TTYH3: variants seen among roughly 807,000 people sequenced by gnomAD.
TTYH3 encodes the protein protein tweety homolog 3.
A neutral mutation model predicts 68.2 loss-of-function variants in TTYH3; 23 were observed. The observed-to-expected ratio is 0.34, with a 90% CI of 0.24 to 0.48. TTYH3 has a LOEUF of 0.48. TTYH3 is among the 20% of genes least tolerant of loss of function. The pLI is 0.99. For missense variants in TTYH3, 768 were observed against 727.7 expected (o/e 1.06, Z -0.64); for synonymous variants, 360 against 332.8 (o/e 1.08, Z -0.89).
At chr7:2,635,346 T>C (rs1210322755) in intron 1 of TTYH3, among the ~76,000 whole-genome samples, 3 of 152,224 alleles carry the variant, frequency 2.0e-5, no homozygotes, top group Non-Finnish European at 4.4e-5. Flanking sequence ...TCTTCCTGCG[T>C]GACCTTGGGT....
At chr7:2,653,058 C>G (rs1227689119) in intron 9 of TTYH3, 48 bp downstream of exon 9, 6 of 1,509,926 alleles carry the variant, frequency 4.0e-6, no homozygotes, top group African/African-American at 1.4e-5. Flanking sequence ...CTCCTCTTTT[C>G]TCAGCATGAA....
rs1364649316 is a variant in TTYH3, at chr7:2,647,537, G to A, written c.525G>A (p.Leu175=). Reference sequence around the variant, plus strand: ...CCGTACAGAGGCTGCAGGGCCTGCTGGAGACGCTGCTGGGCTACACGGCCG... The same window carrying A: ...CCGTACAGAGGCTGCAGGGCCTGCTAGAGACGCTGCTGGGCTACACGGCCG... ...LRAVQRLQGL[L]ETLLGYTAAI... Residue 175 remains leucine, a synonymous_variant, in exon 4 of 14, where the codon CTG becomes CTA. Transcript: ENST00000258796. 6.4e-7 allele frequency: 1 copy of A among 1,553,052 alleles called. No individual in the cohort carries two copies.
chr7:2,656,681 C>G, intron 11 of TTYH3, 147 bp downstream of exon 11: 1 of 967,002 alleles, frequency 1.0e-6, no homozygotes, highest in Non-Finnish European at 1.4e-6. Flanking sequence ...CCCTAGGCCT[C>G]TCTAGTGTCT....
intron 9 of TTYH3, 133 bp from the exon 10 acceptor site, chr7:2,655,959 C>T: frequency 1.4e-6 from 1 of 706,574 alleles, no homozygotes; most frequent in Non-Finnish European, 2.3e-6. Context: ...GCACTGAGAC[C>T]CCAGGGTGGG....
At chr7:2,633,730 T>A (rs995872206) in intron 1 of TTYH3, among the ~76,000 whole-genome samples, 1 of 152,184 alleles carries the variant, frequency 6.6e-6, no homozygotes, top group Non-Finnish European at 1.5e-5. Context: ...GCCCTGAGGG[T>A]TTGGCCCATT....
At chr7:2,643,591 C>A (rs1210534590) in intron 1 of TTYH3, among the ~76,000 whole-genome samples, 2 of 152,234 alleles carry the variant, frequency 1.3e-5, no homozygotes, top group Admixed American at 1.3e-4. Flanking sequence ...TGGGCATCAG[C>A]CCTCTGCACC....
At chr7:2,639,096 C>A (rs1042764902) in intron 1 of TTYH3, among the ~76,000 whole-genome samples, 1 of 152,180 alleles carries the variant, frequency 6.6e-6, no homozygotes, top group Non-Finnish European at 1.5e-5. Context: ...CAGCCAGCCT[C>A]TCAGACACCC....
At chr7:2,635,967 G>T (rs1281067894) in intron 1 of TTYH3, among the ~76,000 whole-genome samples, 1 of 152,238 alleles carries the variant, frequency 6.6e-6, no homozygotes, top group Non-Finnish European at 1.5e-5. Context: ...GTGCCAGAGG[G>T]TCGCTCTGGT....
intron 2 of TTYH3, 46 bp downstream of exon 2, chr7:2,647,068 G>C (rs1786008902): frequency 9.3e-7 from 1 of 1,070,564 alleles, no homozygotes; most frequent in African/African-American, 1.6e-5. Context: ...AGAGGGGGCG[G>C]CCCGAGGGGG....
intron 8 of TTYH3, 110 bp downstream of exon 8, chr7:2,652,352 G>A: frequency 2.1e-6 from 2 of 931,662 alleles, no homozygotes; most frequent in Non-Finnish European, 3.4e-6. Context: ...GCAGGACTGG[G>A]GAACTGGGGG....
chr7:2,642,537 C>CAAAAAAAAAAAAAAA (rs34165282), intron 1 of TTYH3, among the ~76,000 whole-genome samples: 4 of 57,516 alleles, frequency 7.0e-5, no homozygotes, highest in Non-Finnish European at 1.0e-4. Flanking sequence ...GACTCTGTCT[C>CAAAAAAAAAAAAAAA]AAAAAAAAAA....
intron 1 of TTYH3, among the ~76,000 whole-genome samples, chr7:2,637,689 C>T (rs547974994): frequency 5.9e-5 from 9 of 152,252 alleles, no homozygotes; most frequent in African/African-American, 1.7e-4. Context: ...ACGTGGCCAC[C>T]GGGGAATTGG....
intron 13 of TTYH3, chr7:2,660,223 C>G: frequency 5.1e-6 from 5 of 985,458 alleles, no homozygotes; most frequent in Non-Finnish European, 6.0e-6. Flanking sequence ...GCTCTGGGCC[C>G]GCCAGCCTCA....
intron 1 of TTYH3, among the ~76,000 whole-genome samples, chr7:2,640,826 C>T (rs1347877632): frequency 1.3e-5 from 2 of 152,218 alleles, no homozygotes; most frequent in Non-Finnish European, 2.9e-5. Context: ...GCTCACTGGG[C>T]CCTCCCTTCT....
intron 7 of TTYH3, among the ~76,000 whole-genome samples, chr7:2,650,326 C>A (rs1189970161): frequency 6.6e-6 from 1 of 152,176 alleles, no homozygotes; most frequent in Non-Finnish European, 1.5e-5. Context: ...ACCTGTAATC[C>A]TAGCACTTTG....
At chr7:2,647,388 C>A in intron 3 of TTYH3, 30 bp from the exon 4 acceptor site, 1 of 1,468,924 alleles carries the variant, frequency 6.8e-7, no homozygotes, top group South Asian at 1.4e-5. Flanking sequence ...CGGGCGCGCT[C>A]CCAGCCTCAC....
At chr7:2,634,952 G>C (rs901411936) in intron 1 of TTYH3, among the ~76,000 whole-genome samples, 32 of 152,170 alleles carry the variant, frequency 2.1e-4, no homozygotes, top group Non-Finnish European at 3.4e-4. Flanking sequence ...TGTGACCGTG[G>C]GATTAGAAGC....
chr7:2,656,853 C>A (rs779440564), intron 11 of TTYH3, among the ~76,000 whole-genome samples: 18 of 152,380 alleles, frequency 1.2e-4, no homozygotes, highest in Middle Eastern at 3.4e-3. Context: ...TGAGAGCTGG[C>A]CTCAGACTGT....
In TTYH3 at chr7:2,658,327, C is replaced by T. The variant is rs781542512; in HGVS notation, c.1292C>T (p.Pro431Leu). 4.0e-5 allele frequency: 64 copies of T among 1,600,932 alleles called. No individual in the cohort carries two copies. The highest frequency in any genetic ancestry group is 1.0e-4 in the South Asian group (9 of 89,716). Residue 431 changes from proline to leucine, a missense_variant, in exon 12 of 14, where the codon CCG becomes CTG. Coordinates refer to ENST00000258796, the MANE Select transcript of TTYH3 (RefSeq NM_025250.3). ...EDGEEEAAPG[P>L]RQAHDSLYRV... ...GGGGAGGAGGAGGCCGCTCCAGGGC[C>T]GCGGCAGGCGCACGACAGCCTCTAC...
Sources: gnomAD v4.1 joint callset for allele counts (sites outside exome capture counted in the v4.1 genomes callset) on GRCh38, gnomAD v4.1.1 for gene constraint, MANE v1.5 for transcripts, NCBI Gene and HGNC (gene_info 2026-07-23, HGNC 2026-07-21) for gene names.